Variants in FBXL2 observed in about 807,000 individuals in gnomAD.
The protein encoded by FBXL2 is F-box/LRR-repeat protein 2.
FBXL2 carries 38 observed loss-of-function variants against 69.2 expected under a neutral mutation model. That is an observed-to-expected ratio of 0.55 (90% CI 0.42 to 0.72). FBXL2 has a LOEUF of 0.72. Among genes scored for constraint, FBXL2 ranks in the 30% least tolerant of loss-of-function variants. FBXL2 has a pLI of 0.00. For synonymous variants in FBXL2, 192 were observed against 201.3 expected (o/e 0.95, Z 0.39); for missense variants, 354 against 520.3 (o/e 0.68, Z 3.11).
At chr3:33,397,073 T>A (rs2044028969) in intron 12 of FBXL2, 1 of 1,603,414 alleles carries the variant, frequency 6.2e-7, no homozygotes, top group African/African-American at 1.3e-5. Context: ...TAGAGCCGAA[T>A]TCCATCGGCT....
At chr3:33,381,710 A>T (rs1318911310) in intron 13 of FBXL2, among the ~76,000 whole-genome samples, 1 of 151,910 alleles carries the variant, frequency 6.6e-6, no homozygotes, top group Non-Finnish European at 1.5e-5. Flanking sequence ...ATTCCATTTT[A>T]TTGTAAGTAA....
At chr3:33,321,733 C>A (rs1302814306) in intron 2 of FBXL2, among the ~76,000 whole-genome samples, 2 of 152,152 alleles carry the variant, frequency 1.3e-5, no homozygotes, top group African/African-American at 4.8e-5. Context: ...TGCTCCTAGG[C>A]TACACACCTG....
At position 33,377,442 on chromosome 3, in the gene FBXL2, C is replaced by G. The variant is rs2042716065; in HGVS notation, c.849+109C>G. 7.7e-6 allele frequency: 8 copies of G among 1,041,690 alleles called. No individual in the cohort carries two copies. The South Asian group carries it at 1.0e-4, about 13-fold the overall frequency. The allele number at this position is 1,041,690 out of a possible 1,614,324, so 64.5% of individuals were successfully genotyped here. ...AAAGACTACCTTCAGAAAAGACAGG[C>G]ACAAAGTAGAGTAGAACCCTTGGGG... is the stretch of plus-strand genomic sequence containing the variant. On this transcript the variant is annotated intron_variant, in intron 11 of 14. Transcript: ENST00000484457.
intron 2 of FBXL2, among the ~76,000 whole-genome samples, chr3:33,302,662 A>G (rs1485901310): frequency 2.6e-5 from 4 of 152,226 alleles, no homozygotes; most frequent in Non-Finnish European, 5.9e-5. Context: ...AGACACATTT[A>G]AAACATTAAA....
At chr3:33,401,031 G>C (rs1229511379) in intron 12 of FBXL2, 2 of 1,578,472 alleles carry the variant, frequency 1.3e-6, no homozygotes, top group Admixed American at 1.9e-5. Context: ...GGAGAAAGGA[G>C]AAAGAAGGAA....
At chr3:33,397,747 C>T (rs1229031825) in intron 12 of FBXL2, 1 of 152,236 alleles carries the variant, frequency 6.6e-6, no homozygotes, top group East Asian at 1.9e-4. Context: ...TTCCCCCAAG[C>T]ACATCCTACT....
chr3:33,316,537 A>G (rs901146074), intron 2 of FBXL2, among the ~76,000 whole-genome samples: 5 of 152,130 alleles, frequency 3.3e-5, no homozygotes, highest in African/African-American at 1.2e-4. Flanking sequence ...TGATTAGTCA[A>G]AATTTCCTCC....
rs975762625 is a variant in FBXL2 at position 33,285,830 on chromosome 3, G to A, written c.3+8315G>A. 3.3e-5 allele frequency among the ~76,000 whole-genome samples: 5 copies of A among 152,036 alleles called. No homozygotes were observed. The Middle Eastern group carries it at 0.01, about 312-fold the overall frequency. ...ACCCTTTCTTCCACTTGATCAAATC[G>A]GCTACTGAAGCTTGTGCATGCATCA... On this transcript the variant is annotated intron_variant, in intron 1 of 14. Coordinates refer to ENST00000484457, the MANE Select transcript of FBXL2 (RefSeq NM_012157.5).
intron 2 of FBXL2, among the ~76,000 whole-genome samples, chr3:33,300,981 G>T (rs1187052511): frequency 6.6e-6 from 1 of 152,072 alleles, no homozygotes; most frequent in Non-Finnish European, 1.5e-5. Context: ...GGGATTACAG[G>T]TGTAAGCCAC....
chr3:33,294,629 A>G (rs1215456516), intron 1 of FBXL2, among the ~76,000 whole-genome samples: 1 of 152,136 alleles, frequency 6.6e-6, no homozygotes, highest in Admixed American at 6.5e-5. Context: ...AGTTGAGCCC[A>G]GGAGTTCAAG....
At chr3:33,323,817 T>A (rs1347804454) in intron 2 of FBXL2, among the ~76,000 whole-genome samples, 1 of 152,220 alleles carries the variant, frequency 6.6e-6, no homozygotes, top group South Asian at 2.1e-4. Flanking sequence ...TTTGGGTATA[T>A]ACCAAGTAAT....
intron 2 of FBXL2, among the ~76,000 whole-genome samples, chr3:33,344,336 G>A (rs1353603401): frequency 6.6e-6 from 1 of 152,100 alleles, no homozygotes; most frequent in African/African-American, 2.4e-5. Context: ...TTTCATATTT[G>A]TGTATAGTAG....
chr3:33,289,535 GA>G (rs956774545), intron 1 of FBXL2: 31 of 146,708 alleles, frequency 2.1e-4, no homozygotes, highest in Admixed American at 5.4e-4. Flanking sequence ...CTTCTCAAGA[GA>G]AAAAAAAAAG....
chr3:33,405,221 T>C (rs2044385602), downstream of FBXL2, among the ~76,000 whole-genome samples: 1 of 152,108 alleles, frequency 6.6e-6, no homozygotes, highest in Admixed American at 6.5e-5. Flanking sequence ...GGCATAAAAC[T>C]ATGTCATATT....
chr3:33,394,865 T>C (rs1315972193), intron 12 of FBXL2, among the ~76,000 whole-genome samples: 1 of 151,078 alleles, frequency 6.6e-6, no homozygotes, highest in African/African-American at 2.4e-5. Context: ...AACAGCCTTA[T>C]CTACAATTTA....
chr3:33,398,361 T>A (rs998976832), intron 12 of FBXL2: 1 of 152,164 alleles, frequency 6.6e-6, no homozygotes, highest in African/African-American at 2.4e-5. Context: ...AATAGAGTCA[T>A]TTTATAGAGT....
intron 12 of FBXL2, chr3:33,400,937 A>T: frequency 6.3e-7 from 1 of 1,590,058 alleles, no homozygotes; most frequent in Non-Finnish European, 8.5e-7. Context: ...AAAGCATCAG[A>T]TAGTTTTAGG....
In FBXL2 at chr3:33,385,667, C is replaced by G; in HGVS notation, c.*59C>G. The G allele has an allele frequency of 7.4e-7, 1 of 1,349,174 alleles. No individual in the cohort carries two copies. Among genetic ancestry groups the G allele is most frequent in the Non-Finnish European group, 1.1e-6 (1 of 942,098 alleles). 83.6% of individuals were successfully genotyped at this position (1,349,174 alleles called of 1,614,324 possible). Reference sequence around the variant, plus strand: ...ATCCTTTCCTCTAGAAGACCTGAGTCTTCCTGACCGACTCCACCATCACCC... The same window carrying G: ...ATCCTTTCCTCTAGAAGACCTGAGTGTTCCTGACCGACTCCACCATCACCC... On this transcript the variant is annotated 3_prime_UTR_variant, in exon 15 of 15. Transcript: ENST00000484457.
Position 33,297,813 on chromosome 3 carries a change from T to C in FBXL2, c.65+88T>C. The C allele has an allele frequency of 3.6e-6, 3 of 826,266 alleles. No individual in the cohort carries two copies. In the South Asian group the frequency reaches 4.4e-5, roughly 12 times the overall value. 51.2% of individuals were successfully genotyped at this position (826,266 alleles called of 1,614,324 possible). ...TATCTTCTTTCTCACTGTGAGTCCA[T>C]AGCATAGAAAAACAGACAGAATTAG... On this transcript the variant is annotated intron_variant, in intron 2 of 14. Coordinates refer to ENST00000484457, the MANE Select transcript of FBXL2 (RefSeq NM_012157.5).
Sources: gnomAD v4.1 joint callset for allele counts (sites outside exome capture counted in the v4.1 genomes callset) on GRCh38, gnomAD v4.1.1 for gene constraint, MANE v1.5 for transcripts, NCBI Gene and HGNC (gene_info 2026-07-23, HGNC 2026-07-21) for gene names.